BCHE: variants seen among roughly 807,000 people sequenced by gnomAD.
BCHE encodes the protein cholinesterase.
Under a neutral mutation model 51.3 loss-of-function variants are expected in BCHE, and 48 were observed. The observed-to-expected ratio is 0.94, with a 90% CI of 0.74 to 1.19. The LOEUF is 1.19. Ranked by LOEUF, BCHE falls within the 50% of genes most tolerant of loss-of-function variation. The probability of loss-of-function intolerance (pLI) is 0.00; values close to 1 mark genes in which losing one functional copy is unlikely to be tolerated. For missense variants in BCHE, 847 were observed against 708.2 expected (o/e 1.20, Z -2.23); for synonymous variants, 251 against 238.0 (o/e 1.05, Z -0.50).
intron 3 of BCHE, among the ~76,000 whole-genome samples, chr3:165,783,675 T>C (rs952320079): frequency 1.3e-5 from 2 of 152,098 alleles, no homozygotes; most frequent in African/African-American, 4.8e-5. Flanking sequence ...ATTAGGATAA[T>C]ATGAAGGACT....
At chr3:165,777,687 C>G (rs1008846737) in intron 3 of BCHE, 13 of 408,800 alleles carry the variant, frequency 3.2e-5, no homozygotes, top group Non-Finnish European at 4.9e-5. Flanking sequence ...CCTTGAACAA[C>G]ATGAGTCTGA....
intron 2 of BCHE, among the ~76,000 whole-genome samples, chr3:165,798,782 G>A (rs141751952): frequency 8.7e-4 from 132 of 151,918 alleles, no homozygotes; most frequent in African/African-American, 3.0e-3. Context: ...TGAGCCCTAG[G>A]TTTCTAGATA....
chr3:165,774,231 C>A (rs201148451), intron 3 of BCHE, among the ~76,000 whole-genome samples: 1 of 151,948 alleles, frequency 6.6e-6, no homozygotes, highest in Admixed American at 6.6e-5. Context: ...ATGTGTAACC[C>A]GCAAATACAA....
At chr3:165,799,193 T>C (rs1172402619) in intron 2 of BCHE, among the ~76,000 whole-genome samples, 1 of 152,164 alleles carries the variant, frequency 6.6e-6, no homozygotes, top group Non-Finnish European at 1.5e-5. Flanking sequence ...ATTTTGTCTC[T>C]ATTTAGCGTT....
chr3:165,836,094 C>A (rs1184162683), intron 1 of BCHE, among the ~76,000 whole-genome samples: 1 of 151,438 alleles, frequency 6.6e-6, no homozygotes. Context: ...GGAATACATC[C>A]CAAACATATT....
Position 165,826,942 on chromosome 3 carries a change from A to G in BCHE, c.1517+2575T>C, listed in dbSNP as rs77165213. The stretch of plus-strand genomic sequence containing the variant: ...CCTTGCTGGTATCATCTGTTTCCCT[A>G]GTACTGACACTCAAAAAGGGCTCCA... On this transcript the variant is annotated intron_variant, in intron 2 of 3. Transcript: ENST00000264381. 7.5e-4 allele frequency among the ~76,000 whole-genome samples: 114 copies of G among 152,194 alleles called. No homozygotes were observed. In the East Asian group the frequency reaches 0.02, roughly 26 times the overall value.
intron 2 of BCHE, among the ~76,000 whole-genome samples, chr3:165,792,163 A>G (rs1324806808): frequency 6.6e-6 from 1 of 152,050 alleles, no homozygotes; most frequent in Admixed American, 6.6e-5. Flanking sequence ...CCTTGCCTAG[A>G]ATGTGACACA....
chr3:165,806,529 T>C (rs1713872162), intron 2 of BCHE, among the ~76,000 whole-genome samples: 1 of 152,152 alleles, frequency 6.6e-6, no homozygotes, highest in South Asian at 2.1e-4. Context: ...TCATACTGAC[T>C]CCATAGCACC....
intron 1 of BCHE, among the ~76,000 whole-genome samples, chr3:165,836,014 G>A (rs1576674617): frequency 6.6e-6 from 1 of 151,958 alleles, no homozygotes; most frequent in East Asian, 1.9e-4. Flanking sequence ...CTCGAAGAAG[G>A]AACCAAATTT....
At chr3:165,781,829 T>C (rs967759962) in intron 3 of BCHE, among the ~76,000 whole-genome samples, 3 of 152,178 alleles carry the variant, frequency 2.0e-5, no homozygotes, top group Middle Eastern at 3.2e-3. Flanking sequence ...TCTGGCAGAT[T>C]ATAAATTTTT....
At chr3:165,824,613 C>A (rs1016053291) in intron 2 of BCHE, among the ~76,000 whole-genome samples, 2 of 151,954 alleles carry the variant, frequency 1.3e-5, no homozygotes, top group African/African-American at 4.8e-5. Context: ...TGTCCCCCAT[C>A]ATTCACAGAA....
chr3:165,777,610 C>A, intron 3 of BCHE: 2 of 264,846 alleles, frequency 7.6e-6, no homozygotes, highest in Admixed American at 4.4e-5. Context: ...TCTCTGTGTG[C>A]AGGGGCAAAG....
At chr3:165,781,102 G>A (rs547466469) in intron 3 of BCHE, among the ~76,000 whole-genome samples, 12 of 152,048 alleles carry the variant, frequency 7.9e-5, no homozygotes, top group South Asian at 6.2e-4. Context: ...TTAGCCAGGC[G>A]TGGTGGCATA....
intron 2 of BCHE, among the ~76,000 whole-genome samples, chr3:165,797,623 T>C (rs945340137): frequency 5.3e-5 from 8 of 152,066 alleles, no homozygotes; most frequent in Admixed American, 5.2e-4. Flanking sequence ...GGGGCAGACT[T>C]TGCATTAATT....
intron 3 of BCHE, chr3:165,778,191 TA>T (rs1712546598): frequency 6.6e-6 from 1 of 152,552 alleles, no homozygotes; most frequent in South Asian, 2.1e-4. Context: ...ACTTTTACAC[TA>T]AAACAAGAAA....
At position 165,829,872 on chromosome 3, in the gene BCHE, C is replaced by T; in HGVS notation, c.1162G>A (p.Gly388Arg). ...FQEGLKIFFP[G>R]VSEFGKESIL... ...GATTCCTTTCCAAACTCACTCACTC[C>T]TGGAAAAAATATTTTTAAACCTTCC... Residue 388 changes from glycine (G) to arginine (R), a missense_variant, in exon 2 of 4, where the codon GGA (glycine) becomes AGA (arginine). Transcript: ENST00000264381. 6.2e-7 allele frequency: 1 copy of T among 1,611,704 alleles called. No individual in the cohort carries two copies. The highest frequency in any genetic ancestry group is 8.5e-7 in the Non-Finnish European group (1 of 1,179,278).
At chr3:165,792,550 G>T (rs1379489709) in intron 2 of BCHE, among the ~76,000 whole-genome samples, 1 of 152,132 alleles carries the variant, frequency 6.6e-6, no homozygotes, top group Admixed American at 6.5e-5. Context: ...AAGAATTATT[G>T]AAAAACAAGA....
rs1712939844 is a variant in BCHE, at chr3:165,786,146, T to C, written c.1683A>G (p.Thr561=). 11 of 1,611,234 alleles carry C rather than the reference T, an allele frequency of 6.8e-6. No individual in the cohort carries two copies. Among genetic ancestry groups the C allele is most frequent in the African/African-American group, 4.0e-5 (3 of 74,924 alleles). The part of the protein sequence containing the change: ...TSFFPKVLEM[T]GNIDEAEWEW... ...ACCAAACACTAAAAACAGACACACCTGTCATTTCCAAGACTTTTGGAAAAA... is the reference window on the plus strand; with the variant it reads ...ACCAAACACTAAAAACAGACACACCCGTCATTTCCAAGACTTTTGGAAAAA... The change falls in exon 3 of 4, where the codon ACA becomes ACG. Residue 561 remains threonine (T), a splice_region_variant and synonymous_variant. Coordinates refer to ENST00000264381, the MANE Select transcript of BCHE (RefSeq NM_000055.4).
chr3:165,824,571 T>C (rs1714649421), intron 2 of BCHE, among the ~76,000 whole-genome samples: 1 of 151,936 alleles, frequency 6.6e-6, no homozygotes, highest in Non-Finnish European at 1.5e-5. Flanking sequence ...AAGAAAACGA[T>C]AGATATAAAT....
Sources: gnomAD v4.1 joint callset for allele counts (sites outside exome capture counted in the v4.1 genomes callset) on GRCh38, gnomAD v4.1.1 for gene constraint, MANE v1.5 for transcripts, NCBI Gene and HGNC (gene_info 2026-07-23, HGNC 2026-07-21) for gene names.